WIPF3: variants seen among roughly 807,000 people sequenced by gnomAD.
WIPF3 encodes the protein WAS/WASL interacting protein family member 3.
WIPF3 carries 33 observed loss-of-function variants against 38.9 expected under a neutral mutation model. The ratio of observed to expected loss-of-function variants is 0.85; its 90% CI spans 0.64 to 1.14. The LOEUF (loss-of-function observed/expected upper bound fraction) is 1.14. WIPF3 is among the 50% of genes most tolerant of loss of function. WIPF3 has a pLI of 0.00. For synonymous variants in WIPF3, 324 were observed against 269.3 expected, an observed-to-expected ratio of 1.20 and a Z score of -1.99; for missense variants, 711 against 652.5, an observed-to-expected ratio of 1.09 and a Z score of -0.98.
At chr7:29,819,261 C>T (rs555396271) in intron 1 of WIPF3, among the ~76,000 whole-genome samples, 1 of 151,770 alleles carries the variant, frequency 6.6e-6, no homozygotes, top group Non-Finnish European at 1.5e-5. Context: ...TTTTCATATT[C>T]AACTCTTCAT....
intron 1 of WIPF3, among the ~76,000 whole-genome samples, 164 bp downstream of exon 1, chr7:29,806,842 G>A (rs1343855284): frequency 1.3e-5 from 2 of 151,400 alleles, no homozygotes; most frequent in Admixed American, 6.6e-5. Flanking sequence ...TGCAGCCCCG[G>A]GCCCAGGAGG....
Position 29,914,798 on chromosome 7 carries a change from C to A in WIPF3, c.*282C>A. On this transcript the variant is annotated 3_prime_UTR_variant, in exon 9 of 9. Coordinates refer to ENST00000242140, the MANE Select transcript of WIPF3 (RefSeq NM_001080529.3). ...CTGTCCCTCCACCTAGTGCCCACTC[C>A]ATGACTGTGAATCTGCTTGCAGGCT... The A allele has an allele frequency of 4.1e-6, 1 of 245,522 alleles. No homozygotes were observed. Among genetic ancestry groups the A allele is most frequent in the Non-Finnish European group, 7.8e-6 (1 of 128,936 alleles). 15.2% of individuals were successfully genotyped at this position (245,522 alleles called of 1,614,324 possible).
At chr7:29,812,639 G>A (rs1323560902) in intron 1 of WIPF3, among the ~76,000 whole-genome samples, 1 of 152,174 alleles carries the variant, frequency 6.6e-6, no homozygotes, top group Non-Finnish European at 1.5e-5. Flanking sequence ...CAGTGTCACA[G>A]GGTTGTTCTA....
chr7:29,808,788 TAGG>T (rs993372926), intron 1 of WIPF3, among the ~76,000 whole-genome samples: 1 of 152,136 alleles, frequency 6.6e-6, no homozygotes, highest in African/African-American at 2.4e-5. Context: ...ACGCTCTTTT[TAGG>T]AGACTTATTG....
chr7:29,866,547 C>G (rs1583609658), intron 2 of WIPF3, among the ~76,000 whole-genome samples: 1 of 152,228 alleles, frequency 6.6e-6, no homozygotes, highest in Admixed American at 6.5e-5. Flanking sequence ...TGTGCACTTT[C>G]CATTTTAAGT....
At chr7:29,838,248 G>A (rs549597497) in intron 2 of WIPF3, among the ~76,000 whole-genome samples, 3 of 152,192 alleles carry the variant, frequency 2.0e-5, no homozygotes, top group African/African-American at 7.2e-5. Context: ...GTTGGCTGGA[G>A]TATTAGGAAC....
At chr7:29,911,350 T>C (rs1330993182) in intron 8 of WIPF3, among the ~76,000 whole-genome samples, 1 of 152,104 alleles carries the variant, frequency 6.6e-6, no homozygotes, top group Non-Finnish European at 1.5e-5. Flanking sequence ...AATCTACAGA[T>C]TCAGTGTAAA....
intron 3 of WIPF3, among the ~76,000 whole-genome samples, chr7:29,877,295 A>G (rs1001312243): frequency 3.3e-5 from 5 of 152,194 alleles, no homozygotes; most frequent in African/African-American, 1.2e-4. Context: ...ATGCTGCCTC[A>G]ACTCTAGAGG....
In WIPF3 at chr7:29,878,289, T is replaced by C. The variant is rs1016044283; in HGVS notation, c.224-720T>C. Among the ~76,000 whole-genome samples the C allele has an allele frequency of 2.0e-5, 3 of 152,242 alleles. No individual in the cohort carries two copies. The highest frequency in any genetic ancestry group is 7.2e-5 in the African/African-American group (3 of 41,462). On this transcript the variant is annotated intron_variant, in intron 3 of 8. Transcript: ENST00000242140. This position sits in a 1 kb window ranked among gnomAD's most constrained non-coding sequence, Gnocchi z 4.0. ...AGTGGGCACTGTGCCCTAATTTCTC[T>C]GTGCATATTAGCTTCAAGTTGTTAA... is the stretch of plus-strand genomic sequence containing the variant.
intron 2 of WIPF3, among the ~76,000 whole-genome samples, chr7:29,836,935 G>A (rs181111625): frequency 2.3e-4 from 35 of 152,242 alleles, no homozygotes; most frequent in African/African-American, 8.4e-4. Flanking sequence ...AGGTTGCAGT[G>A]AGCCAACATC....
intron 1 of WIPF3, among the ~76,000 whole-genome samples, chr7:29,828,869 G>A (rs1328753341): frequency 9.9e-5 from 15 of 152,198 alleles, no homozygotes; most frequent in Non-Finnish European, 1.5e-4. Context: ...TTCAAAAGAC[G>A]GTGGGCAACC....
At chr7:29,908,138 A>G (rs1439815932) in intron 8 of WIPF3, among the ~76,000 whole-genome samples, 5 of 152,210 alleles carry the variant, frequency 3.3e-5, no homozygotes, top group Non-Finnish European at 7.3e-5. Context: ...ATAAAGACAA[A>G]TAGGTTGAAA....
At chr7:29,834,371 C>CTA (rs58372856) in intron 1 of WIPF3, among the ~76,000 whole-genome samples, 2,880 of 151,762 alleles carry the variant, frequency 0.019, 90 homozygotes, top group East Asian at 0.084. Flanking sequence ...TGAAGGATTG[C>CTA]TATATATATA....
rs964702574 is a variant in WIPF3 at position 29,824,000 on chromosome 7, G to T, written c.-57-10668G>T. ...GTTTCAGGTATTTCTTTATAGCAAC[G>T]CGAGAACAGACTAATACACCAAGGC... On this transcript the variant is annotated intron_variant, in intron 1 of 8. Transcript: ENST00000242140. This position sits in a 1 kb window ranked among gnomAD's most constrained non-coding sequence, Gnocchi z 4.0. Among the ~76,000 whole-genome samples, 1 of 152,132 alleles carries T rather than the reference G, an allele frequency of 6.6e-6. No individual in the cohort carries two copies. The highest frequency in any genetic ancestry group is 2.4e-5 in the African/African-American group (1 of 41,398).
intron 7 of WIPF3, among the ~76,000 whole-genome samples, chr7:29,901,223 G>C (rs1786268561): frequency 6.6e-6 from 1 of 152,096 alleles, no homozygotes; most frequent in African/African-American, 2.4e-5. Context: ...TGTGGGAAGG[G>C]AGCCCATGTG....
chr7:29,859,912 G>C (rs1016790858), intron 2 of WIPF3, among the ~76,000 whole-genome samples: 7 of 152,196 alleles, frequency 4.6e-5, no homozygotes, highest in African/African-American at 1.7e-4. Flanking sequence ...TCAATAAACA[G>C]AATTGGAGAA....
chr7:29,835,957 A>G (rs1379001842), intron 2 of WIPF3, among the ~76,000 whole-genome samples: 1 of 152,152 alleles, frequency 6.6e-6, no homozygotes, highest in African/African-American at 2.4e-5. Context: ...CTGCATGACC[A>G]CAGGCCCTGG....
At chr7:29,840,977 G>A (rs1025991922) in intron 2 of WIPF3, among the ~76,000 whole-genome samples, 4 of 152,144 alleles carry the variant, frequency 2.6e-5, no homozygotes, top group Admixed American at 6.5e-5. Flanking sequence ...AGATGGGGTC[G>A]TTCTTGCTAA....
At chr7:29,909,500 TAA>T (rs1309393681) in intron 8 of WIPF3, among the ~76,000 whole-genome samples, 3 of 152,190 alleles carry the variant, frequency 2.0e-5, no homozygotes, top group Non-Finnish European at 4.4e-5. Context: ...AAAAGGATTA[TAA>T]GAGAGTATTA....
Sources: gnomAD v4.1 joint callset for allele counts (sites outside exome capture counted in the v4.1 genomes callset) on GRCh38, gnomAD v4.1.1 for gene constraint, Gnocchi (gnomAD v3.1) non-coding constraint, MANE v1.5 for transcripts, NCBI Gene and HGNC (gene_info 2026-07-23, HGNC 2026-07-21) for gene names.